SH3KBP1: variants seen among roughly 807,000 people sequenced by gnomAD.
SH3KBP1 encodes SH3 domain containing kinase binding protein 1.
In SH3KBP1, 8 loss-of-function variants were observed where a neutral mutation model predicts 50.1. The ratio of observed to expected loss-of-function variants is 0.16; its 90% CI spans 0.09 to 0.29. SH3KBP1 has a LOEUF of 0.29. SH3KBP1 is among the 10% of genes least tolerant of loss of function. The pLI is 1.00. For missense variants in SH3KBP1, 377 were observed against 535.2 expected (o/e 0.70, Z 2.92); for synonymous variants, 227 against 218.6 (o/e 1.04, Z -0.34).
At chrX:19,773,587 C>G (rs2065859501) in intron 2 of SH3KBP1, among the ~76,000 whole-genome samples, 1 of 109,408 alleles carries the variant, frequency 9.1e-6, no homozygotes, top group Non-Finnish European at 1.9e-5. Flanking sequence ...CCAGGCGCAG[C>G]GGCTCACGCC....
Position 19,645,423 on chromosome X carries a change from G to A in SH3KBP1, c.779C>T (p.Thr260Ile), listed in dbSNP as rs767110464. 8.3e-7 allele frequency: 1 copy of A among 1,205,043 alleles called. No homozygotes were observed. The highest frequency in any genetic ancestry group is 3.0e-5 in the East Asian group (1 of 33,788). Reference sequence around the variant, plus strand: ...ACTCTTTGTCCTGCTGTCCATTTCTGTTTTTGATGAGTCTGGAGTTGCTGT... The same window carrying A: ...ACTCTTTGTCCTGCTGTCCATTTCTATTTTTGATGAGTCTGGAGTTGCTGT... Reference protein sequence around the residue: ...ATTATPDSSKTEMDSRTKSKD... With the variant: ...ATTATPDSSKIEMDSRTKSKD... The change falls in exon 7 of 18, where the codon ACA becomes ATA. Residue 260 changes from threonine to isoleucine, a missense_variant. Thr to Ile is a moderately conservative substitution (Grantham distance 89). Coordinates refer to ENST00000397821, the MANE Select transcript of SH3KBP1 (RefSeq NM_031892.3).
At chrX:19,571,152 C>T (rs186103415) in intron 12 of SH3KBP1, among the ~76,000 whole-genome samples, 4 of 112,171 alleles carry the variant, frequency 3.6e-5, no homozygotes, top group Non-Finnish European at 7.5e-5. Flanking sequence ...ATGGCTTGGC[C>T]TCCACTAAGA....
At chrX:19,678,249 T>C (rs752299806) in intron 6 of SH3KBP1, among the ~76,000 whole-genome samples, 2 of 111,152 alleles carry the variant, frequency 1.8e-5, no homozygotes, top group South Asian at 3.8e-4. Context: ...ACATAATCTA[T>C]ACAAATAGAG....
chrX:19,712,978 C>T (rs1413929964), intron 3 of SH3KBP1, among the ~76,000 whole-genome samples: 14 of 111,604 alleles, frequency 1.3e-4, no homozygotes, highest in Non-Finnish European at 3.8e-5. Context: ...AATCCCAGCA[C>T]TTTGGGAGGC....
chrX:19,542,897 A>G (rs1266603244), intron 15 of SH3KBP1, among the ~76,000 whole-genome samples: 2 of 111,809 alleles, frequency 1.8e-5, no homozygotes, highest in Non-Finnish European at 3.8e-5. Flanking sequence ...CGGCTAGGCG[A>G]AAGGGTGAGA....
chrX:19,718,171 C>A (rs1374161392), intron 3 of SH3KBP1, among the ~76,000 whole-genome samples: 3 of 110,869 alleles, frequency 2.7e-5, no homozygotes, highest in Non-Finnish European at 5.7e-5. Flanking sequence ...CACACACACA[C>A]ACACACACTC....
At chrX:19,594,538 C>T (rs1325470866) in intron 10 of SH3KBP1, among the ~76,000 whole-genome samples, 5 of 111,940 alleles carry the variant, frequency 4.5e-5, no homozygotes, top group East Asian at 2.8e-4. Context: ...ACACTATATA[C>T]GCACAACAAT....
At chrX:19,749,102 C>T (rs978481143) in intron 2 of SH3KBP1, among the ~76,000 whole-genome samples, 2 of 112,415 alleles carry the variant, frequency 1.8e-5, no homozygotes, top group African/African-American at 3.2e-5. Context: ...AATACCCTTT[C>T]GTACCTACTA....
intron 3 of SH3KBP1, among the ~76,000 whole-genome samples, chrX:19,729,366 A>C (rs1415609644): frequency 1.8e-5 from 2 of 112,673 alleles, no homozygotes; most frequent in African/African-American, 6.5e-5. Flanking sequence ...GATACAGTTC[A>C]TAATTTATGA....
chrX:19,552,520 A>C (rs1261048026), intron 13 of SH3KBP1, among the ~76,000 whole-genome samples: 3 of 110,732 alleles, frequency 2.7e-5, no homozygotes, highest in African/African-American at 9.9e-5. Context: ...TCCAGCAAAC[A>C]GACAGCTGCC....
chrX:19,543,729 A>G (rs2065005439), intron 15 of SH3KBP1, among the ~76,000 whole-genome samples: 1 of 111,174 alleles, frequency 9.0e-6, no homozygotes, highest in Admixed American at 9.5e-5. Flanking sequence ...TGAGAGAAAG[A>G]GCCAGTGAAG....
chrX:19,845,549 C>G (rs2068346269), intron 1 of SH3KBP1, among the ~76,000 whole-genome samples: 1 of 110,742 alleles, frequency 9.0e-6, no homozygotes, highest in South Asian at 3.9e-4. Flanking sequence ...GCTGGATAAG[C>G]CTGTGTAGAG....
At chrX:19,648,828 C>T (rs758495230) in intron 6 of SH3KBP1, among the ~76,000 whole-genome samples, 1 of 111,531 alleles carries the variant, frequency 9.0e-6, no homozygotes, top group East Asian at 2.8e-4. Flanking sequence ...CCCTTCCCTA[C>T]ATACAGGAGC....
At chrX:19,570,828 C>T (rs984699268) in intron 12 of SH3KBP1, among the ~76,000 whole-genome samples, 2 of 111,394 alleles carry the variant, frequency 1.8e-5, no homozygotes, top group Admixed American at 9.5e-5. Context: ...TGGTGGTGCA[C>T]GCCTGTGGTC....
intron 6 of SH3KBP1, among the ~76,000 whole-genome samples, chrX:19,652,619 A>G (rs1440048505): frequency 1.8e-5 from 2 of 112,426 alleles, no homozygotes; most frequent in African/African-American, 6.5e-5. Flanking sequence ...TCAATTCATC[A>G]CAGCATATTA....
At chrX:19,784,131 A>ACAAGAT (rs1227506868) in intron 2 of SH3KBP1, among the ~76,000 whole-genome samples, 1 of 112,165 alleles carries the variant, frequency 8.9e-6, no homozygotes, top group Non-Finnish European at 1.9e-5. Context: ...CAGAAAATCA[A>ACAAGAT]CAAGATTCAG....
chrX:19,760,216 T>C (rs148701847), intron 2 of SH3KBP1, among the ~76,000 whole-genome samples: 1 of 107,803 alleles, frequency 9.3e-6, no homozygotes, highest in Non-Finnish European at 1.9e-5. Context: ...TGAAACCTTG[T>C]CTCTACTAAA....
chrX:19,772,484 T>G (rs189022257), intron 2 of SH3KBP1, among the ~76,000 whole-genome samples: 6 of 109,033 alleles, frequency 5.5e-5, no homozygotes, highest in East Asian at 2.8e-4. Context: ...TTGTTTTTTG[T>G]TTTTTTTTAG....
At chrX:19,706,270 G>C (rs2063650248) in intron 4 of SH3KBP1, among the ~76,000 whole-genome samples, 1 of 111,318 alleles carries the variant, frequency 9.0e-6, no homozygotes, top group African/African-American at 3.3e-5. Flanking sequence ...AGGGAATCTG[G>C]AGGGACATTT....
Sources: gnomAD v4.1 joint callset for allele counts (sites outside exome capture counted in the v4.1 genomes callset) on GRCh38, gnomAD v4.1.1 for gene constraint, MANE v1.5 for transcripts, NCBI Gene and HGNC (gene_info 2026-07-23, HGNC 2026-07-21) for gene names.